The following ETV6 variants were observed in gnomAD, a reference collection of about 807,000 sequenced individuals.
ETV6 encodes transcription factor ETV6.
A neutral mutation model predicts 51.1 loss-of-function variants in ETV6; 16 were observed. That is an observed-to-expected ratio of 0.31 (90% CI 0.21 to 0.48). The LOEUF is 0.48. ETV6 is among the 20% of genes least tolerant of loss of function. ETV6 has a pLI of 0.99. For missense variants in ETV6, 458 were observed against 594.8 expected, an observed-to-expected ratio of 0.77 and a Z score of 2.39; for synonymous variants, 240 against 224.1, an observed-to-expected ratio of 1.07 and a Z score of -0.64.
intron 2 of ETV6, among the ~76,000 whole-genome samples, chr12:11,822,550 A>G (rs1326868832): frequency 6.6e-6 from 1 of 152,150 alleles, no homozygotes; most frequent in Non-Finnish European, 1.5e-5. Flanking sequence ...AGAGTGTTTA[A>G]CCTAATGTCC....
rs181608312 is a variant in ETV6 at position 11,831,716 on chromosome 12, A to G, written c.164-7424A>G. Among the ~76,000 whole-genome samples the G allele has an allele frequency of 2.5e-4, 38 of 152,338 alleles. No individual in the cohort carries two copies. In the East Asian group the frequency reaches 5.4e-3, roughly 22 times the overall value. ...ACATATGTACACATACTATTTTTCAATATGAATACATACTCTTCATCATGT... is the reference window on the plus strand; with the variant it reads ...ACATATGTACACATACTATTTTTCAGTATGAATACATACTCTTCATCATGT... On this transcript the variant is annotated intron_variant, in intron 2 of 7. Transcript: ENST00000396373.
chr12:11,683,067 A>T (rs1371571066), intron 1 of ETV6, among the ~76,000 whole-genome samples: 3 of 152,158 alleles, frequency 2.0e-5, no homozygotes, highest in Admixed American at 6.5e-5. Flanking sequence ...TGAACATGTG[A>T]CTTTTTGAGA....
intron 1 of ETV6, among the ~76,000 whole-genome samples, chr12:11,652,761 G>A (rs1458825283): frequency 1.3e-5 from 2 of 152,216 alleles, no homozygotes; most frequent in Non-Finnish European, 2.9e-5. Context: ...AGTAGTGTCC[G>A]ATTTGGGTGG....
At chr12:11,660,015 A>G (rs1428106346) in intron 1 of ETV6, among the ~76,000 whole-genome samples, 1 of 152,242 alleles carries the variant, frequency 6.6e-6, no homozygotes, top group Admixed American at 6.5e-5. Context: ...TAGGGAAATT[A>G]GAGTTAACAA....
At chr12:11,807,138 C>T (rs1231982614) in intron 2 of ETV6, among the ~76,000 whole-genome samples, 3 of 152,164 alleles carry the variant, frequency 2.0e-5, no homozygotes, top group Non-Finnish European at 2.9e-5. Context: ...ATGAAAAGAC[C>T]GTGTGGTTTG....
At chr12:11,777,306 G>A (rs1339999907) in intron 2 of ETV6, among the ~76,000 whole-genome samples, 3 of 151,546 alleles carry the variant, frequency 2.0e-5, no homozygotes, top group Non-Finnish European at 4.4e-5. Context: ...AAAAGGCAGG[G>A]TACAAATCTC....
intron 3 of ETV6, among the ~76,000 whole-genome samples, chr12:11,847,102 A>G (rs974497571): frequency 2.0e-5 from 3 of 152,192 alleles, no homozygotes; most frequent in Admixed American, 1.3e-4. Context: ...TAGTTGTGAC[A>G]TTAACTAAGG....
chr12:11,845,109 G>A (rs1448464363), intron 3 of ETV6, among the ~76,000 whole-genome samples: 1 of 152,188 alleles, frequency 6.6e-6, no homozygotes, highest in Non-Finnish European at 1.5e-5. Context: ...GATTACAGGC[G>A]TGAGCTACTG....
intron 7 of ETV6, among the ~76,000 whole-genome samples, chr12:11,886,515 CAGACTGCATGACATGTAGCA>C (rs1308203590): frequency 4.0e-4 from 61 of 151,876 alleles, no homozygotes; most frequent in Non-Finnish European, 7.1e-4. Context: ...TTGAAAATGC[CAGACTGCATGACATGTAGCA>C]AGAATGACAG....
Position 11,724,849 on chromosome 12 carries a change from C to T in ETV6, c.34-27601C>T, listed in dbSNP as rs143328888. ...CCCAAATCTATTTGGACTGGGTGTC[C>T]TGTATTAACATGAAATCGTAGGCAG... On this transcript the variant is annotated intron_variant, in intron 1 of 7. Transcript: ENST00000396373. Among the ~76,000 whole-genome samples, 1,446 of 152,282 alleles carry T rather than the reference C, an allele frequency of 9.5e-3. 18 individuals carry two copies. The highest frequency in any genetic ancestry group is 0.027 in the Middle Eastern group (8 of 294).
intron 2 of ETV6, among the ~76,000 whole-genome samples, chr12:11,758,755 A>G (rs966375302): frequency 6.6e-6 from 1 of 152,234 alleles, no homozygotes; most frequent in African/African-American, 2.4e-5. Flanking sequence ...ACGTGCAGTG[A>G]TATCACCAGC....
chr12:11,651,806 T>A (rs2120594188), intron 1 of ETV6, among the ~76,000 whole-genome samples: 1 of 152,254 alleles, frequency 6.6e-6, no homozygotes. Context: ...ATCAGGAAAA[T>A]CTGCCAACTA....
chr12:11,710,397 C>A (rs1865152549), intron 1 of ETV6, among the ~76,000 whole-genome samples: 1 of 152,148 alleles, frequency 6.6e-6, no homozygotes, highest in African/African-American at 2.4e-5. Context: ...TTATGTGTCA[C>A]CATGTACTAG....
At chr12:11,674,615 T>TTGTGTGTGTGTGTGTGTGTGTG (rs5796457) in intron 1 of ETV6, among the ~76,000 whole-genome samples, 1 of 133,162 alleles carries the variant, frequency 7.5e-6, no homozygotes, top group Non-Finnish European at 1.6e-5. Context: ...TAGGGGTTAT[T>TTGTGTGTGTGTGTGTGTGTGTG]TGTGTGTGTG....
chr12:11,659,609 C>G (rs1864062131), intron 1 of ETV6, among the ~76,000 whole-genome samples: 1 of 152,156 alleles, frequency 6.6e-6, no homozygotes, highest in Admixed American at 6.5e-5. Flanking sequence ...TCACTTACGT[C>G]CCCTATACGT....
intron 1 of ETV6, among the ~76,000 whole-genome samples, chr12:11,737,232 A>C (rs1865720806): frequency 6.6e-6 from 1 of 152,192 alleles, no homozygotes; most frequent in South Asian, 2.1e-4. Flanking sequence ...GGCTGGGGTG[A>C]CTTGGCCTGG....
intron 1 of ETV6, among the ~76,000 whole-genome samples, chr12:11,670,613 A>G (rs1402183243): frequency 6.6e-6 from 1 of 152,198 alleles, no homozygotes; most frequent in Admixed American, 6.5e-5. Context: ...ACCCCACCAT[A>G]GGGCAGCAGC....
intron 2 of ETV6, among the ~76,000 whole-genome samples, chr12:11,762,302 T>C (rs1945097474): frequency 1.3e-5 from 2 of 152,226 alleles, no homozygotes; most frequent in East Asian, 1.9e-4. Flanking sequence ...CCATGCAACA[T>C]GCACAGGTGT....
intron 2 of ETV6, among the ~76,000 whole-genome samples, chr12:11,811,265 A>G (rs977008841): frequency 1.3e-5 from 2 of 152,254 alleles, no homozygotes; most frequent in Admixed American, 6.5e-5. Context: ...CTCTGTTTAT[A>G]TAAAGCTTGG....
Sources: allele counts gnomAD v4.1 joint callset (sites outside exome capture counted in the v4.1 genomes callset), GRCh38; gene constraint gnomAD v4.1.1; transcripts MANE v1.5; gene names NCBI Gene and HGNC (gene_info 2026-07-23, HGNC 2026-07-21).